CLIC2: variants seen among roughly 807,000 people sequenced by gnomAD.
CLIC2 encodes the protein chloride intracellular channel protein 2.
CLIC2 carries 9 observed loss-of-function variants against 14.8 expected under a neutral mutation model. The ratio of observed to expected loss-of-function variants is 0.61; its 90% confidence interval spans 0.37 to 1.06. The LOEUF is 1.06. CLIC2 is among the 50% of genes least tolerant of loss of function. The pLI, the probability that CLIC2 is intolerant of heterozygous loss-of-function variation, is 0.01. For missense variants in CLIC2, 148 were observed against 181.4 expected (o/e 0.82, Z 1.06); for synonymous variants, 61 against 66.3 (o/e 0.92, Z 0.39).
rs782228931 is a variant in CLIC2, at chrX:155,291,082, T to G, written c.293+7703A>C. The stretch of plus-strand genomic sequence containing the variant: ...GTTGCTCTTGTTGCTGCATATAACC[T>G]TTTTTGACGGACATGAGAATGATCT... On this transcript the variant is annotated intron_variant, in intron 3 of 5. Transcript: ENST00000369449. 1.0e-5 allele frequency: 9 copies of G among 897,013 alleles called. No individual in the cohort carries two copies. The South Asian group carries it at 1.0e-4, about 10-fold the overall frequency. The allele number at this position is 897,013 out of a possible 1,213,427, so 73.9% of individuals were successfully genotyped here. A position where few individuals can be genotyped will look rare whatever the true frequency, so the allele number is the denominator to read the frequency against.
chrX:155,293,161 A>G, intron 3 of CLIC2: 1 of 683,194 alleles, frequency 1.5e-6, no homozygotes, highest in Non-Finnish European at 2.4e-6. Context: ...CTCCTCTGGC[A>G]AGGTATCTGA....
At chrX:155,309,273 T>C (rs2075065912) in intron 1 of CLIC2, among the ~76,000 whole-genome samples, 1 of 111,798 alleles carries the variant, frequency 8.9e-6, no homozygotes, top group African/African-American at 3.3e-5. Flanking sequence ...GCCACTGCAC[T>C]CCAGCCTGGG....
rs973655983 is a variant in CLIC2 at position 155,306,430 on chromosome X, T to G, written c.58-7285A>C. Among the ~76,000 whole-genome samples, 11 of 111,864 alleles carry G rather than the reference T, an allele frequency of 9.8e-5. No homozygotes were observed. In the Admixed American group the frequency reaches 1.0e-3, roughly 11 times the overall value. Reference sequence around the variant, plus strand: ...TGCCAGCACCATGCTTCTTGTAATATCTGCAGAACTATGAGTCAATTAAAC... The same window carrying G: ...TGCCAGCACCATGCTTCTTGTAATAGCTGCAGAACTATGAGTCAATTAAAC... On this transcript the variant is annotated intron_variant, in intron 1 of 5. Transcript: ENST00000369449.
intron 3 of CLIC2, among the ~76,000 whole-genome samples, chrX:155,297,663 A>G (rs782429195): frequency 7.7e-4 from 76 of 98,619 alleles, no homozygotes; most frequent in African/African-American, 2.7e-3. Context: ...TAACACGGTG[A>G]AACCTCATCT....
rs1226254211 is a variant in CLIC2 at position 155,304,835 on chromosome X, T to C, written c.58-5690A>G. Among the ~76,000 whole-genome samples, 7 of 82,553 alleles carry C rather than the reference T, an allele frequency of 8.5e-5. No homozygotes were observed. In the East Asian group the frequency reaches 1.7e-3, roughly 20 times the overall value. 71.7% of individuals were successfully genotyped at this position (82,553 alleles called of 115,157 possible). On this transcript the variant is annotated intron_variant, in intron 1 of 5. Coordinates refer to ENST00000369449, the MANE Select transcript of CLIC2 (RefSeq NM_001289.6). ...CAGCTGCAGGTCTGTTGGAGTACCC[T>C]GCCGTGTGAGGTGTCAGTGTGCCCC...
At chrX:155,298,749 T>C in intron 3 of CLIC2, 36 bp downstream of exon 3, 1 of 1,201,892 alleles carries the variant, frequency 8.3e-7, no homozygotes, top group African/African-American at 1.7e-5. Context: ...TAAAATAGAT[T>C]ATCTTCAGCA....
chrX:155,299,010 A>G (rs1557318692), intron 2 of CLIC2, 26 bp downstream of exon 2: 1 of 1,178,946 alleles, frequency 8.5e-7, no homozygotes, highest in Non-Finnish European at 1.2e-6. Flanking sequence ...AATTCCTAGA[A>G]TTTAACATGT....
intron 4 of CLIC2, among the ~76,000 whole-genome samples, chrX:155,279,757 C>A (rs2074911867): frequency 9.0e-6 from 1 of 111,559 alleles, no homozygotes; most frequent in Non-Finnish European, 1.9e-5. Context: ...TCTAATTGAG[C>A]TATGGTTGGT....
At chrX:155,322,397 A>G (rs997045759) in intron 1 of CLIC2, among the ~76,000 whole-genome samples, 20 of 112,159 alleles carry the variant, frequency 1.8e-4, no homozygotes, top group African/African-American at 5.2e-4. Context: ...CTCAGGATTA[A>G]GAAACTCACT....
intron 1 of CLIC2, among the ~76,000 whole-genome samples, chrX:155,307,467 G>C (rs2075059744): frequency 9.0e-6 from 1 of 111,440 alleles, no homozygotes; most frequent in African/African-American, 3.3e-5. Context: ...AGCTGGGATA[G>C]AGCAAAAATA....
At chrX:155,280,495 C>T (rs781856133) in intron 3 of CLIC2, among the ~76,000 whole-genome samples, 2 of 111,093 alleles carry the variant, frequency 1.8e-5, no homozygotes, top group African/African-American at 6.5e-5. Context: ...GAGTTTGAGA[C>T]CAGCCTGGCC....
intron 3 of CLIC2, among the ~76,000 whole-genome samples, chrX:155,281,623 A>G (rs1228538524): frequency 9.0e-6 from 1 of 110,786 alleles, no homozygotes; most frequent in East Asian, 2.8e-4. Context: ...AACTCTGGTC[A>G]GCTTACCTTT....
intron 3 of CLIC2, among the ~76,000 whole-genome samples, chrX:155,288,962 T>G (rs1377346378): frequency 9.1e-6 from 1 of 110,449 alleles, no homozygotes. Flanking sequence ...CTGACCAACA[T>G]GGAGAAACCC....
chrX:155,326,947 T>A (rs1454377319), intron 1 of CLIC2, among the ~76,000 whole-genome samples: 1 of 111,683 alleles, frequency 9.0e-6, no homozygotes, highest in African/African-American at 3.2e-5. Flanking sequence ...CAAGTGGATG[T>A]GGCTTTAAAA....
chrX:155,281,950 C>A (rs926835032), intron 3 of CLIC2, among the ~76,000 whole-genome samples: 2 of 111,101 alleles, frequency 1.8e-5, no homozygotes, highest in Non-Finnish European at 3.8e-5. Flanking sequence ...TGATGGCTTT[C>A]CCCTACTCAG....
At chrX:155,321,168 A>G (rs1185656727) in intron 1 of CLIC2, among the ~76,000 whole-genome samples, 1 of 111,893 alleles carries the variant, frequency 8.9e-6, no homozygotes, top group African/African-American at 3.2e-5. Flanking sequence ...GAACTTCCCC[A>G]ACCTAGCAAG....
At chrX:155,284,714 A>T (rs1196380286) in intron 3 of CLIC2, among the ~76,000 whole-genome samples, 1 of 112,106 alleles carries the variant, frequency 8.9e-6, no homozygotes, top group African/African-American at 3.2e-5. Context: ...GGTGATAAAA[A>T]GGTAAACCAT....
intron 3 of CLIC2, among the ~76,000 whole-genome samples, chrX:155,284,621 C>G (rs1375197088): frequency 1.8e-5 from 2 of 111,721 alleles, no homozygotes; most frequent in Non-Finnish European, 3.8e-5. Context: ...TTCTGTGTAG[C>G]TGTGACTAAT....
chrX:155,329,984 C>A (rs1458153872), intron 1 of CLIC2, among the ~76,000 whole-genome samples: 1 of 110,721 alleles, frequency 9.0e-6, no homozygotes, highest in African/African-American at 3.3e-5. Context: ...GAGCTAAGAA[C>A]AAAAACATTT....
Sources: gnomAD v4.1 joint callset for allele counts (sites outside exome capture counted in the v4.1 genomes callset) on GRCh38, gnomAD v4.1.1 for gene constraint, MANE v1.5 for transcripts, NCBI Gene and HGNC (gene_info 2026-07-23, HGNC 2026-07-21) for gene names.